The following ELMO1 variants were observed in gnomAD, a reference collection of about 807,000 sequenced individuals.
The protein encoded by ELMO1 is engulfment and cell motility 1.
ELMO1 carries 26 observed loss-of-function variants against 98.9 expected under a neutral mutation model. The ratio of observed to expected loss-of-function variants is 0.26; its 90% CI spans 0.19 to 0.36. The LOEUF is 0.36. ELMO1 is among the 10% of genes least tolerant of loss of function. The pLI is 1.00. For missense variants in ELMO1, 627 were observed against 935.2 expected (o/e 0.67, Z 4.30); for synonymous variants, 346 against 346.0 (o/e 1.00, Z 0.00).
chr7:37,259,102 C>A, intron 6 of ELMO1, 79 bp downstream of exon 6: 1 of 1,451,320 alleles, frequency 6.9e-7, no homozygotes, highest in Admixed American at 2.4e-5. Context: ...ACAGAGTTTG[C>A]AAGTGTAAGG....
rs565554620 is a variant in ELMO1, at chr7:37,436,915, C to A, written c.-74+11760G>T. On this transcript the variant is annotated intron_variant, in intron 1 of 21. Transcript: ENST00000310758. ...TTCTTTTATTTTTCTATTTTTATTC[C>A]CAGGATAATTTCTAATCTGGTTGAC... Among the ~76,000 whole-genome samples the A allele has an allele frequency of 1.9e-3, 291 of 152,208 alleles. 1 individual carries two copies. Among genetic ancestry groups the A allele is most frequent in the African/African-American group, 6.6e-3 (275 of 41,518 alleles).
chr7:37,405,716 C>A lies in ELMO1; in HGVS notation c.-74+42959G>T, dbSNP rs551600549. Among the ~76,000 whole-genome samples, 3 of 152,158 alleles carry A rather than the reference C, an allele frequency of 2.0e-5. No individual in the cohort carries two copies. In the South Asian group the frequency reaches 6.2e-4, roughly 32 times the overall value. ...TATTCATTCCCTGGCAGTTAAAATA[C>A]AGACTGGCTGAATCAGCCCAGCCAA... is the stretch of plus-strand genomic sequence containing the variant. On this transcript the variant is annotated intron_variant, in intron 1 of 21. Transcript: ENST00000310758.
intron 13 of ELMO1, among the ~76,000 whole-genome samples, chr7:37,202,557 A>G (rs964207835): frequency 1.3e-5 from 2 of 152,178 alleles, no homozygotes; most frequent in Non-Finnish European, 2.9e-5. Flanking sequence ...GGTTTTGGGG[A>G]TGCGGTATTT....
intron 18 of ELMO1, among the ~76,000 whole-genome samples, chr7:36,880,830 A>C (rs1160052696): frequency 6.6e-6 from 1 of 152,234 alleles, no homozygotes; most frequent in Non-Finnish European, 1.5e-5. Flanking sequence ...TATCTGTCAG[A>C]GTTTCAAGAG....
intron 1 of ELMO1, among the ~76,000 whole-genome samples, chr7:37,437,281 T>C (rs574868044): frequency 2.6e-5 from 4 of 152,144 alleles, no homozygotes; most frequent in Non-Finnish European, 5.9e-5. Flanking sequence ...GCCATCTCCA[T>C]TCTCTCCCCT....
intron 13 of ELMO1, among the ~76,000 whole-genome samples, chr7:37,140,211 T>G (rs938193973): frequency 3.5e-4 from 45 of 128,812 alleles, no homozygotes; most frequent in African/African-American, 1.3e-3. Flanking sequence ...CCACCTCTAC[T>G]AAAAAAAAAA....
chr7:36,966,087 C>A (rs1462671285), intron 16 of ELMO1, among the ~76,000 whole-genome samples: 2 of 152,158 alleles, frequency 1.3e-5, no homozygotes, highest in African/African-American at 2.4e-5. Flanking sequence ...TGTAATAGAG[C>A]CATATTTTTA....
At chr7:36,887,342 C>A (rs748066215) in intron 18 of ELMO1, among the ~76,000 whole-genome samples, 10 of 152,178 alleles carry the variant, frequency 6.6e-5, no homozygotes, top group Non-Finnish European at 1.3e-4. Context: ...CACTAAATAG[C>A]AAAGAATGGC....
intron 1 of ELMO1, among the ~76,000 whole-genome samples, chr7:37,370,230 T>TA (rs2131353627): frequency 6.6e-6 from 1 of 152,318 alleles, no homozygotes; most frequent in East Asian, 1.9e-4. Flanking sequence ...CTGCAGCTAC[T>TA]ATTTATCCTT....
intron 15 of ELMO1, among the ~76,000 whole-genome samples, chr7:37,037,361 T>G (rs1024456888): frequency 6.6e-6 from 1 of 152,154 alleles, no homozygotes; most frequent in African/African-American, 2.4e-5. Flanking sequence ...TGCATTTCCC[T>G]CCCCAGGTCA....
At chr7:37,130,301 T>C (rs150784051) in intron 14 of ELMO1, among the ~76,000 whole-genome samples, 11 of 152,284 alleles carry the variant, frequency 7.2e-5, no homozygotes, top group African/African-American at 2.6e-4. Flanking sequence ...CCCCATCCTT[T>C]GGCTCATGGC....
intron 15 of ELMO1, among the ~76,000 whole-genome samples, chr7:37,075,721 G>A (rs1797539954): frequency 6.6e-6 from 1 of 152,060 alleles, no homozygotes; most frequent in South Asian, 2.1e-4. Flanking sequence ...AGAAGCCTAG[G>A]GATATGGGGA....
intron 1 of ELMO1, among the ~76,000 whole-genome samples, chr7:37,388,428 T>C (rs1802910703): frequency 7.1e-6 from 1 of 141,364 alleles, no homozygotes; most frequent in African/African-American, 2.6e-5. Flanking sequence ...TTTTTTTTGG[T>C]AATATTATAA....
At chr7:36,917,507 T>A (rs1431840281) in intron 16 of ELMO1, among the ~76,000 whole-genome samples, 1 of 151,854 alleles carries the variant, frequency 6.6e-6, no homozygotes, top group African/African-American at 2.4e-5. Flanking sequence ...GAAGGAAAAA[T>A]CCAAATGGGT....
intron 16 of ELMO1, among the ~76,000 whole-genome samples, chr7:36,939,988 T>TA (rs1786889501): frequency 6.6e-6 from 1 of 152,248 alleles, no homozygotes; most frequent in Non-Finnish European, 1.5e-5. Context: ...TGGTTGGTTT[T>TA]ATTGCCTGAC....
At chr7:37,020,313 C>T (rs1441090375) in intron 15 of ELMO1, among the ~76,000 whole-genome samples, 1 of 152,212 alleles carries the variant, frequency 6.6e-6, no homozygotes, top group African/African-American at 2.4e-5. Flanking sequence ...TCTGCCTGCA[C>T]TGAACTTTAG....
chr7:37,038,696 T>C (rs1399239930), intron 15 of ELMO1, among the ~76,000 whole-genome samples: 2 of 152,240 alleles, frequency 1.3e-5, no homozygotes, highest in East Asian at 3.8e-4. Context: ...AATAAAACAA[T>C]ACCATAGACT....
At chr7:37,169,780 G>A (rs190452431) in intron 13 of ELMO1, among the ~76,000 whole-genome samples, 42 of 152,342 alleles carry the variant, frequency 2.8e-4, no homozygotes, top group African/African-American at 8.7e-4. Flanking sequence ...CCAACAGGAA[G>A]AGCTTTTGCT....
chr7:37,366,535 C>A (rs1267351777), intron 1 of ELMO1, among the ~76,000 whole-genome samples: 2 of 152,226 alleles, frequency 1.3e-5, no homozygotes, highest in East Asian at 3.9e-4. Context: ...AACAGGAGCA[C>A]AAGCAAGACA....
Sources: allele counts gnomAD v4.1 joint callset (sites outside exome capture counted in the v4.1 genomes callset), GRCh38; gene constraint gnomAD v4.1.1; transcripts MANE v1.5; gene names NCBI Gene and HGNC (gene_info 2026-07-23, HGNC 2026-07-21).